The following PCMTD2 variants were observed in gnomAD, a reference collection of about 807,000 sequenced individuals.
PCMTD2 encodes protein-L-isoaspartate (D-aspartate) O-methyltransferase domain containing 2.
Under a neutral mutation model 33.4 loss-of-function variants are expected in PCMTD2, and 16 were observed. The observed-to-expected ratio is 0.48, with a 90% CI of 0.32 to 0.73. The LOEUF (loss-of-function observed/expected upper bound fraction) is 0.73, where lower values mean the gene tolerates loss of function less well. Ranked by LOEUF, PCMTD2 falls within the 30% of genes least tolerant of loss-of-function variation. PCMTD2 has a pLI of 0.03. For synonymous variants in PCMTD2, 161 were observed against 160.8 expected (o/e 1.00, Z -0.01); for missense variants, 374 against 449.9 (o/e 0.83, Z 1.53).
intron 5 of PCMTD2, among the ~76,000 whole-genome samples, chr20:64,268,840 A>G (rs1363728606): frequency 6.6e-6 from 1 of 152,230 alleles, no homozygotes; most frequent in Admixed American, 6.5e-5. Flanking sequence ...TTTGGTCTCT[A>G]CTAAGTACAG....
chr20:64,265,628 G>A (rs1447196630), intron 4 of PCMTD2, 199 bp downstream of exon 4: 1 of 417,252 alleles, frequency 2.4e-6, no homozygotes, highest in Admixed American at 4.1e-5. Context: ...GTGCTTCAGA[G>A]CCTGCACGTG....
rs1986000773 is a variant in PCMTD2 at position 64,273,603 on chromosome 20, C to T, written c.*3C>T. 1.3e-6 allele frequency: 2 copies of T among 1,513,900 alleles called. No homozygotes were observed. The highest frequency in any genetic ancestry group is 1.4e-5 in the African/African-American group (1 of 71,600). 93.8% of individuals were successfully genotyped at this position (1,513,900 alleles called of 1,614,324 possible). On this transcript the variant is annotated 3_prime_UTR_variant, in exon 6 of 6. Coordinates refer to ENST00000308824, the MANE Select transcript of PCMTD2 (RefSeq NM_018257.3). Reference sequence around the variant, plus strand: ...TGCTTTATTACAGAGAAAAATAAGTCTCCTGTTTGAAAGGGGGAAATAGGA... The same window carrying T: ...TGCTTTATTACAGAGAAAAATAAGTTTCCTGTTTGAAAGGGGGAAATAGGA...
intron 1 of PCMTD2, among the ~76,000 whole-genome samples, chr20:64,258,318 ATCTAAG>A (rs1369228096): frequency 6.6e-6 from 1 of 152,222 alleles, no homozygotes. Flanking sequence ...ACTTAATTCC[ATCTAAG>A]TCTAAGTCAG....
rs1985518882 is a variant in PCMTD2, at chr20:64,263,467, G to C, written c.308-962G>C. 5.3e-5 allele frequency among the ~76,000 whole-genome samples: 8 copies of C among 152,200 alleles called. 3 individuals are homozygous for C. In the South Asian group the frequency reaches 1.7e-3, roughly 31 times the overall value. ...TGCCCATTTCTTAGCATTTCTGTTA[G>C]ATTGTAGGGTCCAGTGCTACATGAT... On this transcript the variant is annotated intron_variant, in intron 2 of 5. Coordinates refer to ENST00000308824, the MANE Select transcript of PCMTD2 (RefSeq NM_018257.3).
At chr20:64,270,073 C>A (rs1356907535) in intron 5 of PCMTD2, among the ~76,000 whole-genome samples, 1 of 121,224 alleles carries the variant, frequency 8.2e-6, no homozygotes, top group Non-Finnish European at 1.7e-5. Flanking sequence ...TGAGTGCGGG[C>A]GTGCACGGTG....
chr20:64,265,523 G>C (rs765132213), intron 4 of PCMTD2, 94 bp downstream of exon 4: 11 of 994,398 alleles, frequency 1.1e-5, no homozygotes, highest in Non-Finnish European at 1.6e-5. Flanking sequence ...ACAATTTCCT[G>C]CATTTCACAA....
chr20:64,270,459 AGTGTGAGGTC>A (rs1466988893), intron 5 of PCMTD2, among the ~76,000 whole-genome samples: 1 of 141,992 alleles, frequency 7.0e-6, no homozygotes, highest in Non-Finnish European at 1.5e-5. Flanking sequence ...GGATGTGCAC[AGTGTGAGGTC>A]GTGTGAATGC....
chr20:64,273,164 C>T (rs569044374), intron 5 of PCMTD2, 57 bp from the exon 6 acceptor site: 18 of 1,463,336 alleles, frequency 1.2e-5, no homozygotes, highest in Admixed American at 5.9e-5. Flanking sequence ...GGTGTGTAGG[C>T]GTTGTGGTGG....
intron 5 of PCMTD2, chr20:64,272,167 C>T (rs746450795): frequency 4.6e-5 from 17 of 370,960 alleles, no homozygotes; most frequent in Non-Finnish European, 8.8e-5. Flanking sequence ...GGACACAAGC[C>T]TGTTTGAGGG....
At chr20:64,264,902 C>T (rs186970250) in intron 3 of PCMTD2, among the ~76,000 whole-genome samples, 19 of 152,268 alleles carry the variant, frequency 1.2e-4, no homozygotes, top group Admixed American at 9.1e-4. Context: ...TTTAGAAACA[C>T]CAAGTGCAGT....
intron 5 of PCMTD2, among the ~76,000 whole-genome samples, chr20:64,269,876 C>T (rs1433161459): frequency 1.6e-5 from 2 of 126,646 alleles, no homozygotes; most frequent in Non-Finnish European, 3.3e-5. Flanking sequence ...GGGCGTGCAT[C>T]GTGTGGGGTC....
At chr20:64,269,839 T>G (rs1985816292) in intron 5 of PCMTD2, among the ~76,000 whole-genome samples, 1 of 120,482 alleles carries the variant, frequency 8.3e-6, no homozygotes, top group Non-Finnish European at 1.7e-5. Flanking sequence ...TGGTGTGGGG[T>G]CATGGGTGCT....
At chr20:64,266,547 G>A (rs548761104) in intron 4 of PCMTD2, among the ~76,000 whole-genome samples, 1 of 152,216 alleles carries the variant, frequency 6.6e-6, no homozygotes, top group East Asian at 1.9e-4. Context: ...GTGAGCCACC[G>A]TGCCCGGCCT....
intron 5 of PCMTD2, among the ~76,000 whole-genome samples, chr20:64,270,217 T>G (rs1985851091): frequency 8.2e-6 from 1 of 121,980 alleles, no homozygotes; most frequent in African/African-American, 3.2e-5. Flanking sequence ...GCGTGCGTGG[T>G]GCGGGGTCAT....
At chr20:64,273,134 A>C in intron 5 of PCMTD2, 87 bp from the exon 6 acceptor site, 1 of 1,137,256 alleles carries the variant, frequency 8.8e-7, no homozygotes. Flanking sequence ...CAGTTAATTG[A>C]AATGATGCTA....
chr20:64,272,993 TC>T (rs1188737486), intron 5 of PCMTD2, among the ~76,000 whole-genome samples: 1 of 152,248 alleles, frequency 6.6e-6, no homozygotes, highest in Admixed American at 6.5e-5. Flanking sequence ...TTGCTTCCTT[TC>T]CCTTTCAAAG....
intron 5 of PCMTD2, among the ~76,000 whole-genome samples, chr20:64,272,579 G>A (rs1003825661): frequency 6.6e-6 from 1 of 152,254 alleles, no homozygotes; most frequent in Non-Finnish European, 1.5e-5. Context: ...AGCGCTTTGG[G>A]AGGCTGAGGT....
intron 1 of PCMTD2, 184 bp from the exon 2 acceptor site, chr20:64,259,758 C>A: frequency 1.8e-6 from 1 of 552,504 alleles, no homozygotes; most frequent in South Asian, 2.5e-5. Flanking sequence ...TCCAATTGAA[C>A]TGGGATTTTT....
chr20:64,265,470 G>A (rs982359806), intron 4 of PCMTD2, 41 bp downstream of exon 4: 8 of 1,500,056 alleles, frequency 5.3e-6, no homozygotes, highest in South Asian at 2.4e-5. Flanking sequence ...CACACTGTGT[G>A]CCAAGGTCTG....
Sources: allele counts gnomAD v4.1 joint callset (sites outside exome capture counted in the v4.1 genomes callset), GRCh38; gene constraint gnomAD v4.1.1; transcripts MANE v1.5; gene names NCBI Gene and HGNC (gene_info 2026-07-23, HGNC 2026-07-21).